MDGA2: variants seen among roughly 807,000 people sequenced by gnomAD.
The protein encoded by MDGA2 is MAM domain containing glycosylphosphatidylinositol anchor 2, also known as MAM domain-containing glycosylphosphatidylinositol anchor protein 2.
In MDGA2, 40 loss-of-function variants were observed where a neutral mutation model predicts 117.8. The observed-to-expected ratio is 0.34, with a 90% confidence interval of 0.26 to 0.44. The LOEUF is 0.44. Among genes scored for constraint, MDGA2 ranks in the 20% least tolerant of loss-of-function variants. MDGA2 has a pLI of 1.00. For missense variants in MDGA2, 1,123 were observed against 1,250.6 expected, an observed-to-expected ratio of 0.90 and a Z score of 1.54; for synonymous variants, 452 against 439.0, an observed-to-expected ratio of 1.03 and a Z score of -0.37.
At chr14:47,096,495 C>T (rs1339683714) in intron 6 of MDGA2, among the ~76,000 whole-genome samples, 2 of 151,004 alleles carry the variant, frequency 1.3e-5, no homozygotes, top group Non-Finnish European at 3.0e-5. Context: ...GATAAATTTA[C>T]TGAATTCCTA....
At chr14:47,241,509 T>G (rs1887039735) in intron 2 of MDGA2, among the ~76,000 whole-genome samples, 1 of 151,960 alleles carries the variant, frequency 6.6e-6, no homozygotes, top group African/African-American at 2.4e-5. Context: ...TGTAAAAATT[T>G]GTTAATTTTA....
chr14:47,665,222 C>T (rs944412042), intron 1 of MDGA2, among the ~76,000 whole-genome samples: 2 of 152,190 alleles, frequency 1.3e-5, no homozygotes, highest in Non-Finnish European at 2.9e-5. Flanking sequence ...CAAGTTTTCT[C>T]CAACCACAAT....
intron 1 of MDGA2, among the ~76,000 whole-genome samples, chr14:47,547,038 T>C (rs1181740353): frequency 6.6e-6 from 1 of 152,206 alleles, no homozygotes; most frequent in Admixed American, 6.5e-5. Flanking sequence ...CCAGTGTATA[T>C]TTTCCTGAAG....
chr14:47,568,148 CAT>C (rs1276908287), intron 1 of MDGA2, among the ~76,000 whole-genome samples: 31 of 152,102 alleles, frequency 2.0e-4, no homozygotes, highest in Admixed American at 2.0e-3. Flanking sequence ...TTTAAAATCA[CAT>C]GTGGATTTTA....
chr14:47,047,175 G>A (rs3944889), intron 7 of MDGA2, among the ~76,000 whole-genome samples: 138,440 of 152,114 alleles, frequency 0.91, 62,994 homozygotes, highest in East Asian at 1. Context: ...TGTAGCTGAT[G>A]GTTGCTAATT....
chr14:46,845,898 A>T (rs1479228507), intron 15 of MDGA2, 27 bp from the exon 16 acceptor site: 2 of 1,517,622 alleles, frequency 1.3e-6, no homozygotes. Flanking sequence ...AACAAACCTA[A>T]ATGTGGAGCT....
At chr14:46,864,098 G>A (rs1442567085) in intron 14 of MDGA2, among the ~76,000 whole-genome samples, 1 of 109,542 alleles carries the variant, frequency 9.1e-6, no homozygotes, top group African/African-American at 3.7e-5. Context: ...ACAGTGAAAA[G>A]CCAAAGCTAA....
Position 46,920,177 on chromosome 14 carries a change from T to A in MDGA2, c.2090-17A>T, listed in dbSNP as rs1360511450. ...AGGCCTTTCCTGAAAACAGAAAGTG[T>A]GCTTAAATTTGAATGATGACATATT... On this transcript the variant is annotated splice_polypyrimidine_tract_variant and intron_variant, in intron 9 of 16. Transcript: ENST00000399232. 20 of 1,603,178 alleles carry A rather than the reference T, an allele frequency of 1.2e-5. No individual in the cohort carries two copies. The highest frequency in any genetic ancestry group is 1.7e-5 in the Non-Finnish European group (20 of 1,176,264).
chr14:47,411,242 T>C (rs1313886787), intron 1 of MDGA2, among the ~76,000 whole-genome samples: 2 of 151,910 alleles, frequency 1.3e-5, no homozygotes, highest in Admixed American at 6.6e-5. Flanking sequence ...CTATCCAGTG[T>C]GAAGGGGTTA....
chr14:47,464,100 TACACACACACACACAC>T lies in MDGA2; in HGVS notation c.281-162566_281-162551del, dbSNP rs71449610. On this transcript the variant is annotated intron_variant, in intron 1 of 16. Transcript: ENST00000399232. Reference sequence around the variant, plus strand: ...TAAAATTCATTTCTCACTTACTATGTACACACACACACACACACACACACACACACACACACACACA... The same window carrying T: ...TAAAATTCATTTCTCACTTACTATGTACACACACACACACACACACACACA... Among the ~76,000 whole-genome samples, 307 of 141,594 alleles carry T rather than the reference TACACACACACACACAC, an allele frequency of 2.2e-3. 1 individual carries two copies. The highest frequency in any genetic ancestry group is 7.2e-3 in the African/African-American group (275 of 38,122). 92.9% of individuals were successfully genotyped at this position (141,594 alleles called of 152,430 possible). A position where few individuals can be genotyped will look rare whatever the true frequency, so the allele number is the denominator to read the frequency against.
chr14:47,378,220 AC>A (rs1163895532), intron 1 of MDGA2, among the ~76,000 whole-genome samples: 1 of 152,204 alleles, frequency 6.6e-6, no homozygotes, highest in Non-Finnish European at 1.5e-5. Context: ...ATCACCATCA[AC>A]AAAGACCAAA....
intron 1 of MDGA2, among the ~76,000 whole-genome samples, chr14:47,472,330 T>C (rs1479266976): frequency 6.6e-6 from 1 of 152,164 alleles, no homozygotes; most frequent in Non-Finnish European, 1.5e-5. Flanking sequence ...ACCTAGATGG[T>C]CTGGCCTACT....
intron 1 of MDGA2, among the ~76,000 whole-genome samples, chr14:47,670,842 C>T (rs1566568207): frequency 1.3e-5 from 2 of 151,920 alleles, no homozygotes; most frequent in African/African-American, 4.8e-5. Context: ...ATATAAATAA[C>T]TTTTTAAAAT....
At chr14:47,536,260 T>G (rs1026031920) in intron 1 of MDGA2, among the ~76,000 whole-genome samples, 2 of 152,188 alleles carry the variant, frequency 1.3e-5, no homozygotes, top group Non-Finnish European at 1.5e-5. Flanking sequence ...AAATGAAATA[T>G]GTACAAATGA....
chr14:47,147,295 T>C (rs898636761), intron 3 of MDGA2, among the ~76,000 whole-genome samples: 1 of 152,066 alleles, frequency 6.6e-6, no homozygotes, highest in Non-Finnish European at 1.5e-5. Context: ...GACAGGTTTC[T>C]GAGAAAACAG....
At chr14:47,432,651 C>A (rs1423659337) in intron 1 of MDGA2, among the ~76,000 whole-genome samples, 1 of 151,198 alleles carries the variant, frequency 6.6e-6, no homozygotes, top group Non-Finnish European at 1.5e-5. Flanking sequence ...GAATGGTTGC[C>A]TTGAATATAA....
At chr14:47,359,463 C>T (rs996822329) in intron 1 of MDGA2, among the ~76,000 whole-genome samples, 6 of 152,026 alleles carry the variant, frequency 3.9e-5, no homozygotes, top group East Asian at 1.9e-4. Flanking sequence ...CTAACACAAC[C>T]GAATAAAGGG....
chr14:47,413,844 C>T (rs1323974424), intron 1 of MDGA2, among the ~76,000 whole-genome samples: 1 of 151,886 alleles, frequency 6.6e-6, no homozygotes, highest in African/African-American at 2.4e-5. Flanking sequence ...AGCTAATCAG[C>T]CATGGCAACA....
At chr14:47,020,960 C>G (rs952167725) in intron 8 of MDGA2, among the ~76,000 whole-genome samples, 1 of 151,894 alleles carries the variant, frequency 6.6e-6, no homozygotes, top group Non-Finnish European at 1.5e-5. Context: ...AGGCATTTGA[C>G]AAAAAATGGC....
Sources: allele counts gnomAD v4.1 joint callset (sites outside exome capture counted in the v4.1 genomes callset), GRCh38; gene constraint gnomAD v4.1.1; transcripts MANE v1.5; gene names NCBI Gene and HGNC (gene_info 2026-07-23, HGNC 2026-07-21).